ALS2CL: variants seen among roughly 807,000 people sequenced by gnomAD.
ALS2CL encodes the protein ALS2 C-terminal-like protein.
A neutral mutation model predicts 127.9 loss-of-function variants in ALS2CL; 112 were observed. That is an observed-to-expected ratio of 0.88 (90% CI 0.75 to 1.02). The LOEUF (loss-of-function observed/expected upper bound fraction) is 1.02. ALS2CL is among the 50% of genes least tolerant of loss of function. The pLI is 0.00. For missense variants in ALS2CL, 1,174 were observed against 1,236.7 expected, an observed-to-expected ratio of 0.95 and a Z score of 0.76; for synonymous variants, 519 against 527.6, an observed-to-expected ratio of 0.98 and a Z score of 0.22.
chr3:46,677,027 G>T lies in ALS2CL; in HGVS notation c.1758-5C>A. The T allele has an allele frequency of 6.3e-7, 1 of 1,595,408 alleles. No individual in the cohort carries two copies. Among genetic ancestry groups the T allele is most frequent in the Non-Finnish European group, 8.5e-7 (1 of 1,171,228 alleles). ...AAGGCACCCACGCCCAGCTGCCTGC[G>T]ATGGGGATGGAGGGTGGGTGATGGG... On this transcript the variant is annotated splice_polypyrimidine_tract_variant and splice_region_variant and intron_variant, in intron 16 of 25. Transcript: ENST00000318962.
Position 46,687,629 on chromosome 3 carries a change from T to C in ALS2CL, c.358A>G (p.Lys120Glu). Reference protein sequence around the residue: ...MVVQAFQKAAKRRSEYWRGQR... With the variant: ...MVVQAFQKAAERRSEYWRGQR... ...CAGCCCTGTGCTCACCTTCTCCTCT[T>C]TGCTGCCTTCTGGAAGGCCTGCACC... The change falls in exon 4 of 26, where the codon AAG (lysine) becomes GAG (glutamate). Residue 120 changes from lysine to glutamate, a missense_variant. Physicochemically the swap from Lys to Glu is moderately conservative, Grantham distance 56 (BLOSUM62 1). Transcript: ENST00000318962. The C allele has an allele frequency of 6.2e-7, 1 of 1,613,270 alleles. No individual in the cohort carries two copies. Among genetic ancestry groups the C allele is most frequent in the South Asian group, 1.1e-5 (1 of 90,912 alleles).
intron 19 of ALS2CL, 118 bp downstream of exon 19, chr3:46,676,127 T>A: frequency 6.8e-7 from 1 of 1,475,272 alleles, no homozygotes; most frequent in South Asian, 1.3e-5. Context: ...ACCAAGCCTC[T>A]GGTTCATTGT....
chr3:46,670,879 T>C lies in ALS2CL; in HGVS notation c.*105A>G, dbSNP rs899345291. On this transcript the variant is annotated 3_prime_UTR_variant, in exon 26 of 26. Transcript: ENST00000318962. The surrounding 1 kb of genome is among the most constrained non-coding windows in gnomAD (Gnocchi z 5.5). ...TGTGCAAAACAAAATGCTCATCTCC[T>C]CCAAGAGCTGCTTCTGAGGGCCTGT... 4.9e-6 allele frequency: 6 copies of C among 1,220,408 alleles called. No individual in the cohort carries two copies. The highest frequency in any genetic ancestry group is 1.5e-5 in the African/African-American group (1 of 67,130). The allele number at this position is 1,220,408 out of a possible 1,614,324, so 75.6% of individuals were successfully genotyped here.
At chr3:46,674,519 C>A in intron 21 of ALS2CL, 47 bp downstream of exon 21, 1 of 1,578,044 alleles carries the variant, frequency 6.3e-7, no homozygotes, top group South Asian at 1.2e-5. Context: ...CAGTCTGAGT[C>A]GAGTTTGAGT....
Position 46,683,991 on chromosome 3 carries a change from G to A in ALS2CL, c.843C>T (p.Asp281=), listed in dbSNP as rs375650398. The change falls in exon 8 of 26, where the codon GAC becomes GAT. Residue 281 remains aspartate, a splice_region_variant and synonymous_variant. Coordinates refer to ENST00000318962, the MANE Select transcript of ALS2CL (RefSeq NM_147129.5). ...TGTCAGCCGAGGGGGTTGCTCACCCGTCCTGCCCAGGATCCACCCACACCA... is the reference window on the plus strand; with the variant it reads ...TGTCAGCCGAGGGGGTTGCTCACCCATCCTGCCCAGGATCCACCCACACCA... The part of the protein sequence containing the change: ...LKLVWVDPGQ[D]GCTFHLLTPE... 15 of 1,586,870 alleles carry A rather than the reference G, an allele frequency of 9.5e-6. No individual in the cohort carries two copies. Among genetic ancestry groups the A allele is most frequent in the Middle Eastern group, 1.7e-4 (1 of 6,040 alleles).
At position 46,669,596 on chromosome 3, in the gene ALS2CL, C is replaced by T. The variant is rs1698243501; in HGVS notation, c.*1388G>A. On this transcript the variant is annotated 3_prime_UTR_variant, in exon 26 of 26. Transcript: ENST00000318962. ...CCGGTAAGCATGAGTGCCTGCATAT[C>T]CTCGCTCTTCCTCAGTTCCACCCCC... 1 of 152,244 alleles carries T rather than the reference C, an allele frequency of 6.6e-6. No homozygotes were observed. The allele number at this position is 152,244 out of a possible 1,614,324, so 9.4% of individuals were successfully genotyped here.
At chr3:46,693,433 C>CCCA (rs1700285811) in intron 1 of ALS2CL, 6 of 152,376 alleles carry the variant, frequency 3.9e-5, no homozygotes, top group Admixed American at 2.6e-4. Flanking sequence ...CTGCCCCGAA[C>CCCA]CCAAGCAGGC....
Position 46,682,163 on chromosome 3 carries a change from C to G in ALS2CL, c.1110-69G>C, listed in dbSNP as rs916208252. ...CTCAGCAACCTCAGCCACCTACTTT[C>G]TCAGACGCCCTCCCTTCCTCTTCCC... On this transcript the variant is annotated intron_variant, in intron 10 of 25. Transcript: ENST00000318962. 85 of 1,530,924 alleles carry G rather than the reference C, an allele frequency of 5.6e-5. No homozygotes were observed. In the African/African-American group the frequency reaches 1.1e-3, roughly 20 times the overall value. 94.8% of individuals were successfully genotyped at this position (1,530,924 alleles called of 1,614,324 possible).
chr3:46,687,469 T>C, intron 4 of ALS2CL, 150 bp downstream of exon 4: 1 of 908,310 alleles, frequency 1.1e-6, no homozygotes, highest in Non-Finnish European at 1.7e-6. Context: ...TCTTCCAGTG[T>C]GGATCAGTGC....
In ALS2CL at chr3:46,675,414, T is replaced by C. The variant is rs889598542; in HGVS notation, c.2255+204A>G. 7 of 578,430 alleles carry C rather than the reference T, an allele frequency of 1.2e-5. No individual in the cohort carries two copies. The Admixed American group carries it at 1.2e-4, about 10-fold the overall frequency. The allele number at this position is 578,430 out of a possible 1,614,324, so 35.8% of individuals were successfully genotyped here. A position where few individuals can be genotyped will look rare whatever the true frequency, so the allele number is the denominator to read the frequency against. ...GAACAAAGATGCATTCAATGCATTG[T>C]AGCAGTGCCCCCTCCCTGGTTCCTC... On this transcript the variant is annotated intron_variant, in intron 20 of 25. Transcript: ENST00000318962.
At position 46,670,348 on chromosome 3, in the gene ALS2CL, A is replaced by G; in HGVS notation, c.*636T>C. The G allele has an allele frequency of 6.5e-6, 1 of 152,754 alleles. No homozygotes were observed. The highest frequency in any genetic ancestry group is 1.9e-4 in the East Asian group (1 of 5,184). The allele number at this position is 152,754 out of a possible 1,614,324, so 9.5% of individuals were successfully genotyped here. On this transcript the variant is annotated 3_prime_UTR_variant, in exon 26 of 26. Coordinates refer to ENST00000318962, the MANE Select transcript of ALS2CL (RefSeq NM_147129.5). The surrounding 1 kb of genome is among the most constrained non-coding windows in gnomAD (Gnocchi z 5.5). ...TCATGTGCCCCTGTTGTCCCCACGC[A>G]GGCCCACAGACATCACAGGAGAATG...
In ALS2CL at chr3:46,672,178, C is replaced by A. The variant is rs1176391311; in HGVS notation, c.2496G>T (p.Lys832Asn). ...SNQRYSLVRD[K>N]CFLSATECLQ... ...GGCACTCGGTGGCTGACAGGAAACA[C>A]TTGTCCCTGACCAGGGAGTACCTCT... The change falls in exon 23 of 26, where the codon AAG becomes AAT. Residue 832 changes from lysine (K) to asparagine (N), a missense_variant. Physicochemically the swap from Lys to Asn is moderately conservative, Grantham distance 94. Transcript: ENST00000318962. 1 of 1,614,118 alleles carries A rather than the reference C, an allele frequency of 6.2e-7. No homozygotes were observed. The highest frequency in any genetic ancestry group is 8.5e-7 in the Non-Finnish European group (1 of 1,180,018).
intron 20 of ALS2CL, 133 bp downstream of exon 20, chr3:46,675,485 C>A: frequency 1.2e-6 from 1 of 842,240 alleles, no homozygotes; most frequent in Non-Finnish European, 1.9e-6. Context: ...ACGATCAATG[C>A]ACAATGTTTG....
rs377101261 is a variant in ALS2CL, at chr3:46,678,349, G to A, written c.1667C>T (p.Ser556Leu). 367 of 1,613,152 alleles carry A rather than the reference G, an allele frequency of 2.3e-4. 4 individuals carry two copies. The highest frequency in any genetic ancestry group is 1.6e-3 in the South Asian group (148 of 90,952). The stretch of plus-strand genomic sequence containing the variant: ...TCCTCTCCCTGCCCCACTGCCGAAC[G>A]AGCCCTCCAGGGTGAAGCCATTGGG... Reference protein sequence around the residue: ...TFPNGFTLEGSFGSGAGRGLH... With the variant: ...TFPNGFTLEGLFGSGAGRGLH... The change falls in exon 16 of 26, where the codon TCG becomes TTG. Residue 556 changes from serine (S) to leucine (L), a missense_variant. Physicochemically the swap from Ser to Leu is moderately radical, Grantham distance 145. Transcript: ENST00000318962.
At position 46,688,231 on chromosome 3, in the gene ALS2CL, A is replaced by G; in HGVS notation, c.169T>C (p.Ser57Pro). The part of the protein sequence containing the change: ...LRLLQQLHKS[S>P]QQLWEVTEES... ...TCCGTCACCTCCCAGAGTTGCTGGGAGCTCTTGTGCAGCTGTTGCAAGAGC... is the reference window on the plus strand; with the variant it reads ...TCCGTCACCTCCCAGAGTTGCTGGGGGCTCTTGTGCAGCTGTTGCAAGAGC... Residue 57 changes from serine to proline, a missense_variant, in exon 3 of 26, where the codon TCC (serine) becomes CCC (proline). Coordinates refer to ENST00000318962, the MANE Select transcript of ALS2CL (RefSeq NM_147129.5). 4 of 1,612,882 alleles carry G rather than the reference A, an allele frequency of 2.5e-6. No homozygotes were observed. The highest frequency in any genetic ancestry group is 3.4e-6 in the Non-Finnish European group (4 of 1,179,976).
At chr3:46,676,078 C>A in intron 19 of ALS2CL, 167 bp downstream of exon 19, 3 of 1,359,840 alleles carry the variant, frequency 2.2e-6, no homozygotes, top group South Asian at 3.0e-5. Flanking sequence ...GCTCTCACCT[C>A]CCCACCCTCT....
intron 1 of ALS2CL, among the ~76,000 whole-genome samples, chr3:46,693,279 G>A (rs1393491690): frequency 6.6e-6 from 1 of 152,244 alleles, no homozygotes; most frequent in Non-Finnish European, 1.5e-5. Context: ...TTGCCATGCC[G>A]CTCCCATGCG....
In ALS2CL at chr3:46,671,888, C is replaced by A. The variant is rs200646143; in HGVS notation, c.2680G>T (p.Ala894Ser). Reference sequence around the variant, plus strand: ...CCCAGCTCCTGACTGCCTCACCGGGCGCGCGACACCACGTAGATGAGAAGT... The same window carrying A: ...CCCAGCTCCTGACTGCCTCACCGGGAGCGCGACACCACGTAGATGAGAAGT... ...LPLLIYVVSR[A>S]RIQHLGAEIH... The change falls in exon 24 of 26, where the codon GCC (alanine) becomes TCC (serine). Residue 894 changes from alanine to serine, a missense_variant. Ala to Ser is a moderately conservative substitution (Grantham distance 99, BLOSUM62 1). Coordinates refer to ENST00000318962, the MANE Select transcript of ALS2CL (RefSeq NM_147129.5). 6.2e-7 allele frequency: 1 copy of A among 1,613,726 alleles called. No homozygotes were observed.
Position 46,681,323 on chromosome 3 carries a change from G to T in ALS2CL, c.1359C>A (p.Ala453=). The part of the protein sequence containing the change: ...GFGVLESGPQ[A]PQPFRYTGHW... The stretch of plus-strand genomic sequence containing the variant: ...GGCCCGTGTACCTGAAGGGCTGGGG[G>T]GCCTGCGGACCACTCTCAAGGACCC... Residue 453 remains alanine, a synonymous_variant, in exon 13 of 26, where the codon GCC becomes GCA. Transcript: ENST00000318962. This position sits in a 1 kb window ranked among gnomAD's most constrained non-coding sequence, Gnocchi z 4.9. 1 of 1,613,722 alleles carries T rather than the reference G, an allele frequency of 6.2e-7. No individual in the cohort carries two copies. The highest frequency in any genetic ancestry group is 8.5e-7 in the Non-Finnish European group (1 of 1,179,786).
Sources: allele counts gnomAD v4.1 joint callset (sites outside exome capture counted in the v4.1 genomes callset), GRCh38; gene constraint gnomAD v4.1.1; non-coding constraint Gnocchi (gnomAD v3.1); transcripts MANE v1.5; gene names NCBI Gene and HGNC (gene_info 2026-07-23, HGNC 2026-07-21).